The following PPP2R5E variants were observed in gnomAD, a reference collection of about 807,000 sequenced individuals.
PPP2R5E encodes serine/threonine-protein phosphatase 2A 56 kDa regulatory subunit epsilon isoform.
In PPP2R5E, 4 loss-of-function variants were observed where a neutral mutation model predicts 65.3. The ratio of observed to expected loss-of-function variants is 0.06; its 90% CI spans 0.03 to 0.14. PPP2R5E has a LOEUF of 0.14. Among genes scored for constraint, PPP2R5E ranks in the 10% least tolerant of loss-of-function variants. The pLI is 1.00. For missense variants in PPP2R5E, 274 were observed against 556.1 expected, an observed-to-expected ratio of 0.49 and a Z score of 5.10; for synonymous variants, 183 against 187.4, an observed-to-expected ratio of 0.98 and a Z score of 0.19.
intron 2 of PPP2R5E, among the ~76,000 whole-genome samples, chr14:63,531,807 A>G (rs918938938): frequency 6.6e-5 from 10 of 151,810 alleles, no homozygotes; most frequent in Non-Finnish European, 1.3e-4. Context: ...TACAAAATTA[A>G]CTGGGTGTGG....
chr14:63,392,702 A>G (rs2139783175), intron 8 of PPP2R5E, among the ~76,000 whole-genome samples: 1 of 152,358 alleles, frequency 6.6e-6, no homozygotes, highest in South Asian at 2.1e-4. Context: ...GAACATTTTG[A>G]TGGTGTTCTA....
intron 3 of PPP2R5E, among the ~76,000 whole-genome samples, chr14:63,444,797 C>T (rs56983253): frequency 0.073 from 11,046 of 152,182 alleles, 1,338 homozygotes; most frequent in African/African-American, 0.25. Context: ...GGGACAGACA[C>T]CTGACACTTG....
At chr14:63,485,675 A>G (rs1890953393) in intron 2 of PPP2R5E, among the ~76,000 whole-genome samples, 1 of 152,038 alleles carries the variant, frequency 6.6e-6, no homozygotes, top group Non-Finnish European at 1.5e-5. Flanking sequence ...CGGCCTCCCA[A>G]AGTGCTGAGA....
chr14:63,517,146 T>C (rs761633809), intron 2 of PPP2R5E, among the ~76,000 whole-genome samples: 2 of 152,090 alleles, frequency 1.3e-5, no homozygotes, highest in East Asian at 1.9e-4. Flanking sequence ...TTGTTAACTA[T>C]GACACCCTGA....
chr14:63,484,347 T>TCACACACACA (rs199749451), intron 2 of PPP2R5E, among the ~76,000 whole-genome samples: 1,809 of 139,628 alleles, frequency 0.013, 15 homozygotes, highest in African/African-American at 0.028. Flanking sequence ...TCTCTCTCTC[T>TCACACACACA]CACACACACA....
intron 1 of PPP2R5E, among the ~76,000 whole-genome samples, chr14:63,542,454 T>C (rs1893939376): frequency 6.6e-6 from 1 of 152,058 alleles, no homozygotes; most frequent in South Asian, 2.1e-4. Flanking sequence ...CTGGAGACGA[T>C]AAGCTGCTAG....
Position 63,430,377 on chromosome 14 carries a change from GCATACATACATACATACATACATGCATA to G in PPP2R5E, c.355-8311_355-8284del, listed in dbSNP as rs1887589234. Among the ~76,000 whole-genome samples the G allele has an allele frequency of 7.3e-5, 10 of 137,024 alleles. No individual in the cohort carries two copies. In the East Asian group the frequency reaches 1.2e-3, roughly 16 times the overall value. The allele number at this position is 137,024 out of a possible 152,430, so 89.9% of individuals were successfully genotyped here. On this transcript the variant is annotated intron_variant, in intron 3 of 13. Transcript: ENST00000337537. Reference sequence around the variant, plus strand: ...TACATACATACATACATACATGCATGCATACATACATACATACATACATGCATACATACATACATACATGCATACATAC... The same window carrying G: ...TACATACATACATACATACATGCATGCATACATACATACATGCATACATAC...
At chr14:63,472,671 G>T (rs1213334788) in intron 2 of PPP2R5E, among the ~76,000 whole-genome samples, 1 of 152,246 alleles carries the variant, frequency 6.6e-6, no homozygotes, top group Non-Finnish European at 1.5e-5. Flanking sequence ...ACAAAGGAAA[G>T]GTGGAAGATA....
At chr14:63,382,899 T>A (rs1236859047) in intron 12 of PPP2R5E, among the ~76,000 whole-genome samples, 1 of 151,238 alleles carries the variant, frequency 6.6e-6, no homozygotes, top group South Asian at 2.1e-4. Context: ...AGAAGCTACT[T>A]CCCTAGAAAC....
At chr14:63,467,235 C>A (rs60299954) in intron 2 of PPP2R5E, among the ~76,000 whole-genome samples, 18,521 of 107,516 alleles carry the variant, frequency 0.17, 2,811 homozygotes, top group African/African-American at 0.42. Context: ...AAAAAACAAA[C>A]AAACAAACAA....
At chr14:63,380,124 G>A (rs778212062) in intron 13 of PPP2R5E, among the ~76,000 whole-genome samples, 26 of 151,796 alleles carry the variant, frequency 1.7e-4, no homozygotes, top group Admixed American at 8.5e-4. Flanking sequence ...GTGAGCTACC[G>A]TGCCCAGCCA....
At chr14:63,409,304 G>A (rs1355628285) in intron 5 of PPP2R5E, among the ~76,000 whole-genome samples, 2 of 152,098 alleles carry the variant, frequency 1.3e-5, no homozygotes, top group Non-Finnish European at 2.9e-5. Context: ...CTACTCAGGT[G>A]GCTGAGGCAT....
At chr14:63,381,964 G>A in intron 13 of PPP2R5E, 92 bp downstream of exon 13, 1 of 973,530 alleles carries the variant, frequency 1.0e-6, no homozygotes, top group Non-Finnish European at 1.5e-6. Context: ...TGCTGCTTAA[G>A]ATTTGGGGTA....
intron 3 of PPP2R5E, among the ~76,000 whole-genome samples, chr14:63,430,361 A>ACATACATGCATG (rs1887578434): frequency 2.2e-5 from 3 of 133,532 alleles, no homozygotes; most frequent in African/African-American, 3.4e-5. Flanking sequence ...ATACATACAT[A>ACATACATGCATG]CATACATACA....
chr14:63,401,105 C>T (rs892702791), intron 5 of PPP2R5E, among the ~76,000 whole-genome samples: 5 of 152,120 alleles, frequency 3.3e-5, no homozygotes, highest in African/African-American at 1.2e-4. Flanking sequence ...TTAAATGTAT[C>T]ATATTCTATG....
chr14:63,470,723 TA>T (rs35190574), intron 2 of PPP2R5E, among the ~76,000 whole-genome samples: 2,462 of 124,440 alleles, frequency 0.02, 53 homozygotes, highest in East Asian at 0.12. Flanking sequence ...ATCAACAGAT[TA>T]AAAAAAAAAA....
intron 2 of PPP2R5E, among the ~76,000 whole-genome samples, chr14:63,530,387 C>T (rs940003193): frequency 2.0e-5 from 3 of 151,846 alleles, no homozygotes; most frequent in African/African-American, 7.3e-5. Context: ...CGCGTGCCAC[C>T]ATGCCTGGCT....
intron 5 of PPP2R5E, among the ~76,000 whole-genome samples, chr14:63,406,567 G>T (rs994355202): frequency 2.0e-5 from 3 of 152,210 alleles, no homozygotes; most frequent in Non-Finnish European, 4.4e-5. Flanking sequence ...TTGGCAGCAG[G>T]ATCCAAGCTC....
intron 2 of PPP2R5E, among the ~76,000 whole-genome samples, chr14:63,533,920 C>G (rs900780884): frequency 6.6e-6 from 1 of 152,208 alleles, no homozygotes; most frequent in Non-Finnish European, 1.5e-5. Flanking sequence ...GCACTCCAGC[C>G]TGGGTGACAG....
Sources: allele counts gnomAD v4.1 joint callset (sites outside exome capture counted in the v4.1 genomes callset), GRCh38; gene constraint gnomAD v4.1.1; transcripts MANE v1.5; gene names NCBI Gene and HGNC (gene_info 2026-07-23, HGNC 2026-07-21).